Variants in IFT81 observed in about 807,000 individuals in gnomAD.
IFT81 encodes intraflagellar transport protein 81 homolog.
In IFT81, 72 loss-of-function variants were observed where a neutral mutation model predicts 102.6. That is an observed-to-expected ratio of 0.70 (90% CI 0.58 to 0.85). IFT81 has a LOEUF of 0.85. IFT81 is among the 40% of genes least tolerant of loss of function. The pLI is 0.00. For synonymous variants in IFT81, 237 were observed against 242.7 expected, an observed-to-expected ratio of 0.98 and a Z score of 0.22; for missense variants, 723 against 787.3, an observed-to-expected ratio of 0.92 and a Z score of 0.98.
At chr12:110,199,123 CTT>C (rs1015997514) in intron 14 of IFT81, among the ~76,000 whole-genome samples, 1 of 151,892 alleles carries the variant, frequency 6.6e-6, no homozygotes, top group Non-Finnish European at 1.5e-5. Flanking sequence ...TTTTTGTAAT[CTT>C]TTGTTTTCAG....
At chr12:110,156,974 C>T (rs1307740970) in intron 10 of IFT81, among the ~76,000 whole-genome samples, 2 of 151,138 alleles carry the variant, frequency 1.3e-5, no homozygotes, top group Non-Finnish European at 2.9e-5. Flanking sequence ...CTCTTGATGC[C>T]TTCAGAATGT....
At chr12:110,184,690 A>G (rs1336121723) in intron 12 of IFT81, among the ~76,000 whole-genome samples, 1 of 152,250 alleles carries the variant, frequency 6.6e-6, no homozygotes, top group African/African-American at 2.4e-5. Context: ...AAGATTGGGT[A>G]GAAATAGCCT....
intron 14 of IFT81, among the ~76,000 whole-genome samples, chr12:110,197,199 G>T (rs148091955): frequency 1.5e-3 from 234 of 151,984 alleles, no homozygotes; most frequent in African/African-American, 4.7e-3. Context: ...CTGCACTCTA[G>T]GTAGATAGAT....
At chr12:110,205,386 C>A in intron 15 of IFT81, 57 bp from the exon 16 acceptor site, 1 of 1,517,218 alleles carries the variant, frequency 6.6e-7, no homozygotes, top group South Asian at 1.3e-5. Context: ...AAGTCATCGT[C>A]GCCATATCTG....
intron 10 of IFT81, among the ~76,000 whole-genome samples, chr12:110,159,305 A>G (rs1896013860): frequency 6.6e-6 from 1 of 152,136 alleles, no homozygotes; most frequent in Non-Finnish European, 1.5e-5. Flanking sequence ...CTAAAAACAC[A>G]GAAATATACC....
intron 18 of IFT81, among the ~76,000 whole-genome samples, chr12:110,212,163 C>G (rs552739304): frequency 4.2e-4 from 64 of 151,366 alleles, no homozygotes; most frequent in Admixed American, 3.8e-3. Flanking sequence ...TCCTAGAAAC[C>G]TATAAGTAAA....
chr12:110,161,517 C>T (rs1896135591), intron 10 of IFT81, among the ~76,000 whole-genome samples: 1 of 151,722 alleles, frequency 6.6e-6, no homozygotes, highest in Non-Finnish European at 1.5e-5. Context: ...GATCATAGCT[C>T]ACTGCAGCCT....
At chr12:110,179,658 C>T (rs1430580827) in intron 11 of IFT81, among the ~76,000 whole-genome samples, 1 of 145,606 alleles carries the variant, frequency 6.9e-6, no homozygotes, top group Admixed American at 7.0e-5. Context: ...GAGGTTAAGG[C>T]TGCAATGAAC....
rs575412175 is a variant in IFT81 at position 110,137,505 on chromosome 12, G to A, written c.781+645G>A. Among the ~76,000 whole-genome samples the A allele has an allele frequency of 5.9e-5, 9 of 151,942 alleles. No individual in the cohort carries two copies. In the South Asian group the frequency reaches 8.3e-4, roughly 14 times the overall value. On this transcript the variant is annotated intron_variant, in intron 8 of 18. Coordinates refer to ENST00000242591, the MANE Select transcript of IFT81 (RefSeq NM_014055.4). The stretch of plus-strand genomic sequence containing the variant: ...TCCCAGCACTTTAGGAGGCTGAGGC[G>A]GGTGGATCACTTGAGGTCAGGAGTT...
chr12:110,172,945 G>GA (rs1896823364), intron 11 of IFT81, among the ~76,000 whole-genome samples: 1 of 144,934 alleles, frequency 6.9e-6, no homozygotes, highest in African/African-American at 2.5e-5. Context: ...AGGGAGGTGG[G>GA]GGTCAGCCCC....
intron 11 of IFT81, among the ~76,000 whole-genome samples, chr12:110,174,019 T>C (rs1210745057): frequency 6.6e-6 from 1 of 151,424 alleles, no homozygotes; most frequent in Non-Finnish European, 1.5e-5. Flanking sequence ...GGCTCACGCC[T>C]GTAATCCCAG....
intron 13 of IFT81, among the ~76,000 whole-genome samples, chr12:110,191,362 G>C (rs958667746): frequency 6.6e-6 from 1 of 151,810 alleles, no homozygotes; most frequent in Non-Finnish European, 1.5e-5. Context: ...GTAGAGACAG[G>C]GTTTCACCAT....
At position 110,127,602 on chromosome 12, in the gene IFT81, A is replaced by G. The variant is rs568610461; in HGVS notation, c.144+78A>G. On this transcript the variant is annotated intron_variant, in intron 2 of 18. Transcript: ENST00000242591. ...CTAAATAGCTGTGAGTCTTGGGCAC[A>G]TTATTTAACCTCTCTGAGCTTTATT... The G allele has an allele frequency of 8.0e-5, 104 of 1,299,782 alleles. No individual in the cohort carries two copies. The East Asian group carries it at 2.3e-3, about 29-fold the overall frequency. 80.5% of individuals were successfully genotyped at this position (1,299,782 alleles called of 1,614,324 possible).
At chr12:110,215,816 AT>A (rs1169263820) in intron 18 of IFT81, among the ~76,000 whole-genome samples, 3 of 151,958 alleles carry the variant, frequency 2.0e-5, no homozygotes, top group African/African-American at 7.3e-5. Flanking sequence ...TTTATTGAAG[AT>A]TCTTTTATTC....
chr12:110,179,361 G>T (rs145150970), intron 11 of IFT81, among the ~76,000 whole-genome samples: 2 of 151,914 alleles, frequency 1.3e-5, no homozygotes, highest in Non-Finnish European at 2.9e-5. Flanking sequence ...TTTTTATAAG[G>T]TTGTCTTTCT....
At chr12:110,184,333 G>C (rs888827727) in intron 12 of IFT81, among the ~76,000 whole-genome samples, 6 of 152,090 alleles carry the variant, frequency 3.9e-5, no homozygotes, top group African/African-American at 1.4e-4. Flanking sequence ...CTGGGTGACA[G>C]AGCGAGACTC....
intron 10 of IFT81, among the ~76,000 whole-genome samples, chr12:110,161,179 C>T (rs1896113721): frequency 7.0e-6 from 1 of 142,302 alleles, no homozygotes; most frequent in Non-Finnish European, 1.5e-5. Flanking sequence ...CTCACTCTGT[C>T]ACCCAGGCTG....
At chr12:110,145,502 G>A (rs1895170440) in intron 9 of IFT81, among the ~76,000 whole-genome samples, 1 of 150,000 alleles carries the variant, frequency 6.7e-6, no homozygotes, top group Admixed American at 6.7e-5. Context: ...ACAGTGGCGT[G>A]ATCCCGGCTC....
Position 110,205,488 on chromosome 12 carries a change from T to C in IFT81, c.1690T>C (p.Tyr564His), listed in dbSNP as rs1200557018. The change falls in exon 16 of 19, where the codon TAC (tyrosine) becomes CAC (histidine). Residue 564 changes from tyrosine (Y) to histidine (H), a missense_variant. Tyr to His is a moderately conservative substitution (Grantham distance 83). Coordinates refer to ENST00000242591, the MANE Select transcript of IFT81 (RefSeq NM_014055.4). The stretch of plus-strand genomic sequence containing the variant: ...AGAATGTCTTCAAGAAGAAAGTAGA[T>C]ACCATTATACAAATTGTATGATTAA... ...REECLQEESR[Y>H]HYTNCMIKNL... The C allele has an allele frequency of 2.5e-6, 4 of 1,603,956 alleles. No homozygotes were observed. The Admixed American group carries it at 5.2e-5, about 21-fold the overall frequency.
Sources: gnomAD v4.1 joint callset for allele counts (sites outside exome capture counted in the v4.1 genomes callset) on GRCh38, gnomAD v4.1.1 for gene constraint, MANE v1.5 for transcripts, NCBI Gene and HGNC (gene_info 2026-07-23, HGNC 2026-07-21) for gene names.